KCNH5: variants seen among roughly 807,000 people sequenced by gnomAD.
The protein encoded by KCNH5 is voltage-gated delayed rectifier potassium channel KCNH5.
A neutral mutation model predicts 96.1 loss-of-function variants in KCNH5; 46 were observed. The observed-to-expected ratio is 0.48, with a 90% CI of 0.38 to 0.61. The LOEUF (loss-of-function observed/expected upper bound fraction) is 0.61. KCNH5 is among the 20% of genes least tolerant of loss of function. The pLI is 0.00. For missense variants in KCNH5, 907 were observed against 1,225.8 expected (o/e 0.74, Z 3.88); for synonymous variants, 439 against 449.8 (o/e 0.98, Z 0.30).
At chr14:62,742,451 G>C (rs1360000489) in intron 10 of KCNH5, among the ~76,000 whole-genome samples, 1 of 106,878 alleles carries the variant, frequency 9.4e-6, no homozygotes, top group African/African-American at 4.5e-5. Context: ...CTAGAACAGA[G>C]GTTTTCAATC....
chr14:62,989,543 G>A (rs1343881205), intron 4 of KCNH5, among the ~76,000 whole-genome samples: 2 of 151,918 alleles, frequency 1.3e-5, no homozygotes, highest in Admixed American at 6.6e-5. Flanking sequence ...ACTGGTAACT[G>A]CAGACTCAGT....
At chr14:63,029,933 T>C (rs1006607554) in intron 1 of KCNH5, among the ~76,000 whole-genome samples, 3 of 152,118 alleles carry the variant, frequency 2.0e-5, no homozygotes, top group Non-Finnish European at 4.4e-5. Context: ...TCTTTTAGCT[T>C]TAAAACATGT....
At position 62,702,405 on chromosome 14, in the gene KCNH5, G is replaced by A. The variant is rs1337539828; in HGVS notation, c.*5103C>T. 1.3e-5 allele frequency: 2 copies of A among 151,980 alleles called. No individual in the cohort carries two copies. The highest frequency in any genetic ancestry group is 2.9e-5 in the Non-Finnish European group (2 of 67,900). The allele number at this position is 151,980 out of a possible 1,614,324, so 9.4% of individuals were successfully genotyped here. On this transcript the variant is annotated 3_prime_UTR_variant, in exon 11 of 11. Transcript: ENST00000322893. Reference sequence around the variant, plus strand: ...TGTCTGGAAAAACCTAGACTAGATGGTTGAACTAGATAGTTCTTGTAATGT... The same window carrying A: ...TGTCTGGAAAAACCTAGACTAGATGATTGAACTAGATAGTTCTTGTAATGT...
chr14:62,991,129 T>C (rs1160568140), intron 4 of KCNH5, among the ~76,000 whole-genome samples: 1 of 152,058 alleles, frequency 6.6e-6, no homozygotes, highest in Non-Finnish European at 1.5e-5. Flanking sequence ...AGATCTGTTT[T>C]TGTGGAATGT....
intron 7 of KCNH5, among the ~76,000 whole-genome samples, chr14:62,855,972 C>T (rs923219384): frequency 6.6e-6 from 1 of 152,150 alleles, no homozygotes; most frequent in African/African-American, 2.4e-5. Context: ...ATCCACTCCT[C>T]CCTATAGAAA....
intron 1 of KCNH5, among the ~76,000 whole-genome samples, chr14:63,036,677 G>A (rs1163141403): frequency 6.6e-6 from 1 of 152,064 alleles, no homozygotes; most frequent in Non-Finnish European, 1.5e-5. Flanking sequence ...AACTTTCCCT[G>A]AAAAGTAGGA....
chr14:62,927,701 G>A lies in KCNH5; in HGVS notation c.1369+22432C>T, dbSNP rs745955324. Reference sequence around the variant, plus strand: ...ATACTCAAATTCATAGAGACAGAAAGTCGGATGGTGGTCTCCAGGGGCTGA... The same window carrying A: ...ATACTCAAATTCATAGAGACAGAAAATCGGATGGTGGTCTCCAGGGGCTGA... On this transcript the variant is annotated intron_variant, in intron 7 of 10. Coordinates refer to ENST00000322893, the MANE Select transcript of KCNH5 (RefSeq NM_139318.5). Among the ~76,000 whole-genome samples the A allele has an allele frequency of 3.9e-5, 6 of 152,190 alleles. No homozygotes were observed. In the East Asian group the frequency reaches 9.7e-4, roughly 25 times the overall value.
At chr14:62,950,095 A>G in intron 7 of KCNH5, 38 bp downstream of exon 7, 1 of 1,587,670 alleles carries the variant, frequency 6.3e-7, no homozygotes, top group Non-Finnish European at 8.6e-7. Context: ...AAAATTGCCA[A>G]TAACAATAAT....
intron 4 of KCNH5, among the ~76,000 whole-genome samples, chr14:62,991,076 G>A (rs1270874224): frequency 6.6e-6 from 1 of 151,946 alleles, no homozygotes; most frequent in Non-Finnish European, 1.5e-5. Flanking sequence ...GGGACACAGA[G>A]CCAGACCATA....
At chr14:63,006,298 C>A in intron 3 of KCNH5, 68 bp downstream of exon 3, 1 of 968,956 alleles carries the variant, frequency 1.0e-6, no homozygotes, top group Non-Finnish European at 1.6e-6. Flanking sequence ...ATTTTAGCTC[C>A]ACTACGACTT....
At chr14:62,784,714 T>C (rs1886286119) in intron 9 of KCNH5, among the ~76,000 whole-genome samples, 1 of 152,172 alleles carries the variant, frequency 6.6e-6, no homozygotes, top group Non-Finnish European at 1.5e-5. Flanking sequence ...CTTACCAATA[T>C]GGGCCATTTT....
Position 62,836,496 on chromosome 14 carries a change from A to G in KCNH5, c.1569+13157T>C, listed in dbSNP as rs145733585. On this transcript the variant is annotated intron_variant, in intron 8 of 10. Transcript: ENST00000322893. ...GGCTTCAGAGTACTTGCAAAGTAGT[A>G]AAGATCACTCTAATTATAACATATT... is the stretch of plus-strand genomic sequence containing the variant. 7.0e-3 allele frequency among the ~76,000 whole-genome samples: 1,071 copies of G among 152,236 alleles called. 9 individuals are homozygous for G. Among genetic ancestry groups the G allele is most frequent in the Non-Finnish European group, 0.011 (723 of 67,990 alleles).
At chr14:62,791,959 G>C (rs1176596749) in intron 9 of KCNH5, among the ~76,000 whole-genome samples, 2 of 151,398 alleles carry the variant, frequency 1.3e-5, no homozygotes, top group African/African-American at 4.8e-5. Context: ...ATTGCAATTG[G>C]CTCATAAACT....
At chr14:62,954,954 G>T (rs748337328) in intron 6 of KCNH5, among the ~76,000 whole-genome samples, 1 of 152,044 alleles carries the variant, frequency 6.6e-6, no homozygotes, top group Non-Finnish European at 1.5e-5. Flanking sequence ...TCTCCAACTG[G>T]TCCCTCTCAC....
intron 7 of KCNH5, among the ~76,000 whole-genome samples, chr14:62,923,031 A>C (rs1889408308): frequency 6.6e-6 from 1 of 151,914 alleles, no homozygotes; most frequent in Admixed American, 6.6e-5. Context: ...AAAACCATAA[A>C]TCTTATATAC....
At chr14:62,944,715 A>G (rs1457955903) in intron 7 of KCNH5, among the ~76,000 whole-genome samples, 2 of 152,190 alleles carry the variant, frequency 1.3e-5, no homozygotes, top group African/African-American at 4.8e-5. Flanking sequence ...CACTTCATGA[A>G]TCTAGACAGC....
chr14:62,891,022 A>G (rs1328280357), intron 7 of KCNH5, among the ~76,000 whole-genome samples: 1 of 152,172 alleles, frequency 6.6e-6, no homozygotes, highest in Non-Finnish European at 1.5e-5. Flanking sequence ...CTAAAAGTAG[A>G]ACTGCCATTC....
chr14:62,783,048 A>G (rs943593944), intron 9 of KCNH5, among the ~76,000 whole-genome samples: 7 of 152,358 alleles, frequency 4.6e-5, no homozygotes, highest in South Asian at 2.1e-4. Context: ...AATGTCAATA[A>G]ATAATGAAAT....
At chr14:62,850,625 T>C (rs917190148) in intron 7 of KCNH5, among the ~76,000 whole-genome samples, 6 of 152,094 alleles carry the variant, frequency 3.9e-5, no homozygotes, top group Admixed American at 3.3e-4. Context: ...CCTCAATCCA[T>C]AATTCACCAA....
Sources: gnomAD v4.1 joint callset for allele counts (sites outside exome capture counted in the v4.1 genomes callset) on GRCh38, gnomAD v4.1.1 for gene constraint, MANE v1.5 for transcripts, NCBI Gene and HGNC (gene_info 2026-07-23, HGNC 2026-07-21) for gene names.